The following CRTC2 variants were observed in gnomAD, a reference collection of about 807,000 sequenced individuals.
CRTC2 encodes the protein CREB-regulated transcription coactivator 2.
CRTC2 carries 25 observed loss-of-function variants against 70.9 expected under a neutral mutation model. The ratio of observed to expected loss-of-function variants is 0.35; its 90% CI spans 0.26 to 0.49. The LOEUF (loss-of-function observed/expected upper bound fraction) is 0.49, where lower values mean the gene tolerates loss of function less well. CRTC2 is among the 20% of genes least tolerant of loss of function. The pLI, the probability that CRTC2 is intolerant of heterozygous loss-of-function variation, is 0.98. For synonymous variants in CRTC2, 330 were observed against 364.1 expected, an observed-to-expected ratio of 0.91 and a Z score of 1.07; for missense variants, 737 against 882.6, an observed-to-expected ratio of 0.83 and a Z score of 2.09.
At chr1:153,958,072 G>A (rs1444402663) in intron 1 of CRTC2, 2 of 1,344,758 alleles carry the variant, frequency 1.5e-6, no homozygotes, top group African/African-American at 3.0e-5. Context: ...TCCTACCTCC[G>A]CCGGACTTCA....
chr1:153,951,808 C>A, intron 10 of CRTC2, 142 bp from the exon 11 acceptor site: 5 of 1,053,172 alleles, frequency 4.7e-6, no homozygotes, highest in Non-Finnish European at 4.1e-6. Flanking sequence ...CAGCACTGCC[C>A]ATCTGGGGAC....
intron 10 of CRTC2, 78 bp from the exon 11 acceptor site, chr1:153,951,744 C>T (rs776553271): frequency 2.7e-6 from 4 of 1,460,290 alleles, no homozygotes; most frequent in Non-Finnish European, 3.8e-6. Flanking sequence ...GAATGGGTGG[C>T]AGTGACCAGA....
chr1:153,955,327 G>A (rs1387723532), intron 1 of CRTC2, among the ~76,000 whole-genome samples, 161 bp from the exon 2 acceptor site: 1 of 152,050 alleles, frequency 6.6e-6, no homozygotes, highest in Non-Finnish European at 1.5e-5. Flanking sequence ...CAGCACTTTG[G>A]GAGGCCGAGG....
rs1680761336 is a variant in CRTC2 at position 153,958,463 on chromosome 1, G to C, written c.35C>G (p.Ala12Gly). Residue 12 changes from alanine to glycine, a missense_variant, in exon 1 of 14, where the codon GCC becomes GGC. Physicochemically the swap from Ala to Gly is moderately conservative, Grantham distance 60. Coordinates refer to ENST00000368633, the MANE Select transcript of CRTC2 (RefSeq NM_181715.3). ...GCGCGGATTGGAAGCCGAGGCCGTG[G>C]CCGAACCAGGCCCGTTCGCCCCCGA... ...ATSGANGPGS[A>G]TASASNPRKF... The C allele has an allele frequency of 1.2e-6, 2 of 1,612,318 alleles. No homozygotes were observed. Among genetic ancestry groups the C allele is most frequent in the Non-Finnish European group, 1.7e-6 (2 of 1,179,010 alleles).
chr1:153,948,992 A>C, intron 12 of CRTC2, 123 bp downstream of exon 12: 5 of 1,072,256 alleles, frequency 4.7e-6, no homozygotes, highest in Non-Finnish European at 7.0e-6. Flanking sequence ...GGGAGAGGAG[A>C]TCTCCCCACC....
chr1:153,949,937 TTC>T (rs1008716676), intron 11 of CRTC2, among the ~76,000 whole-genome samples: 14 of 152,138 alleles, frequency 9.2e-5, no homozygotes, highest in Admixed American at 9.2e-4. Context: ...AAGTAAACTA[TTC>T]TCTTTTTTTG....
chr1:153,957,337 C>T (rs1451739690), intron 1 of CRTC2, among the ~76,000 whole-genome samples: 1 of 152,184 alleles, frequency 6.6e-6, no homozygotes, highest in Non-Finnish European at 1.5e-5. Context: ...TAATGTTCCA[C>T]CATCAATCCT....
chr1:153,951,479 C>G lies in CRTC2; in HGVS notation c.1185G>C (p.Pro395=). 6.3e-7 allele frequency: 1 copy of G among 1,599,568 alleles called. No individual in the cohort carries two copies. The highest frequency in any genetic ancestry group is 8.5e-7 in the Non-Finnish European group (1 of 1,172,920). The stretch of plus-strand genomic sequence containing the variant: ...AGGAGGAAGAGGAGGAGGAGAGAGC[C>G]GGAGCACTGAGTGAGGGGTGGCCCA... The part of the protein sequence containing the change: ...TSLGHPSLSA[P]ALSSSSSSSS... Residue 395 remains proline (P), a synonymous_variant, in exon 11 of 14, where the codon CCG becomes CCC. Coordinates refer to ENST00000368633, the MANE Select transcript of CRTC2 (RefSeq NM_181715.3).
In CRTC2 at chr1:153,958,541, C is replaced by T; in HGVS notation, c.-44G>A. ...CCTGCCACCCTCCCAGTACCAGCCG[C>T]GGCCTCCGCCGCGGCCTCGGCCCGG... On this transcript the variant is annotated 5_prime_UTR_variant, in exon 1 of 14. Transcript: ENST00000368633. 3 of 1,529,386 alleles carry T rather than the reference C, an allele frequency of 2.0e-6. No homozygotes were observed. Among genetic ancestry groups the T allele is most frequent in the South Asian group, 1.2e-5 (1 of 82,940 alleles). 94.7% of individuals were successfully genotyped at this position (1,529,386 alleles called of 1,614,324 possible). A position where few individuals can be genotyped will look rare whatever the true frequency, so the allele number is the denominator to read the frequency against.
chr1:153,953,257 G>A lies in CRTC2; in HGVS notation c.607+9C>T, dbSNP rs146406727. On this transcript the variant is annotated intron_variant, in intron 6 of 13. Coordinates refer to ENST00000368633, the MANE Select transcript of CRTC2 (RefSeq NM_181715.3). ...TGGTTACTCCCAACCCTGGGACAGG[G>A]CCACTTACCCCCACGTCGGCTGGGC... is the stretch of plus-strand genomic sequence containing the variant. 9.6e-5 allele frequency: 146 copies of A among 1,521,458 alleles called. No homozygotes were observed. The East Asian group carries it at 3.4e-3, about 36-fold the overall frequency. 94.2% of individuals were successfully genotyped at this position (1,521,458 alleles called of 1,614,324 possible). A position where few individuals can be genotyped will look rare whatever the true frequency, so the allele number is the denominator to read the frequency against.
chr1:153,952,729 T>C (rs1680422693), intron 7 of CRTC2, 76 bp downstream of exon 7: 1 of 1,606,984 alleles, frequency 6.2e-7, no homozygotes, highest in Non-Finnish European at 8.5e-7. Context: ...TCCTGCTCCC[T>C]GAACCTGCAC....
intron 4 of CRTC2, 135 bp from the exon 5 acceptor site, chr1:153,953,741 T>C (rs1680478871): frequency 1.6e-6 from 1 of 609,382 alleles, no homozygotes; most frequent in African/African-American, 1.9e-5. Flanking sequence ...CTTTTCTTTC[T>C]GGTTCTTCTC....
chr1:153,948,733 C>T, intron 12 of CRTC2, 89 bp from the exon 13 acceptor site: 1 of 1,396,972 alleles, frequency 7.2e-7, no homozygotes, highest in Non-Finnish European at 1.0e-6. Context: ...TGCCCAGCAA[C>T]CTTCATCCAC....
rs375407184 is a variant in CRTC2 at position 153,953,382 on chromosome 1, C to T, written c.504-13G>A. 1.5e-4 allele frequency: 240 copies of T among 1,581,450 alleles called. 2 individuals carry two copies. The highest frequency in any genetic ancestry group is 2.9e-5 in the Non-Finnish European group (34 of 1,155,172). ...GTCAGAGCTTGTCCTATGGGGGGAG[C>T]AGGAATGAGCTGACACCAGTGACAG... On this transcript the variant is annotated splice_polypyrimidine_tract_variant and intron_variant, in intron 5 of 13. Transcript: ENST00000368633.
In CRTC2 at chr1:153,955,175, T is replaced by G. The variant is rs202143802; in HGVS notation, c.154-9A>C. On this transcript the variant is annotated splice_polypyrimidine_tract_variant and intron_variant, in intron 1 of 13. Transcript: ENST00000368633. ...AGTTTTTGGGCCTGTAACTGAGACA[T>G]GGGGAACAAGTGGGAATGTCAGGAG... 15 of 1,605,654 alleles carry G rather than the reference T, an allele frequency of 9.3e-6. No homozygotes were observed. The highest frequency in any genetic ancestry group is 1.3e-5 in the Non-Finnish European group (15 of 1,172,688).
Position 153,949,335 on chromosome 1 carries a change from G to A in CRTC2, c.1454C>T (p.Pro485Leu), listed in dbSNP as rs536940556. Reference sequence around the variant, plus strand: ...CAGACTTGGGGAGCTGTATGGGTATGGGGGTAACCGCTGGTCAGTGGACAG... The same window carrying A: ...CAGACTTGGGGAGCTGTATGGGTATAGGGGTAACCGCTGGTCAGTGGACAG... Reference protein sequence around the residue: ...SKLSTDQRLPPYPYSSPSLVL... With the variant: ...SKLSTDQRLPLYPYSSPSLVL... Residue 485 changes from proline (P) to leucine (L), a missense_variant, in exon 12 of 14, where the codon CCA (proline) becomes CTA (leucine). Around this residue, in one of 3 missense-constraint regions of CRTC2, gnomAD observed 699 missense variants for 823.7 expected, o/e 0.85. Transcript: ENST00000368633. The A allele has an allele frequency of 7.4e-6, 12 of 1,613,884 alleles. No homozygotes were observed. The highest frequency in any genetic ancestry group is 5.0e-5 in the Admixed American group (3 of 60,016).
At position 153,951,759 on chromosome 1, in the gene CRTC2, G is replaced by A. The variant is rs138237985; in HGVS notation, c.998-93C>T. On this transcript the variant is annotated intron_variant, in intron 10 of 13. Transcript: ENST00000368633. ...GAATGGGTGGCAGTGACCAGACTAT[G>A]AAAGCGGCAACACAACGTCCTCCCT... The A allele has an allele frequency of 1.2e-4, 169 of 1,388,272 alleles. 1 individual carries two copies. The African/African-American group carries it at 2.0e-3, about 17-fold the overall frequency. The allele number at this position is 1,388,272 out of a possible 1,614,324, so 86.0% of individuals were successfully genotyped here.
At chr1:153,958,234 C>G (rs1049843619) in intron 1 of CRTC2, 111 bp downstream of exon 1, 24 of 1,483,236 alleles carry the variant, frequency 1.6e-5, no homozygotes, top group Non-Finnish European at 2.1e-5. Flanking sequence ...GCGCCCGCGT[C>G]CCCTGCTCTG....
intron 4 of CRTC2, 151 bp downstream of exon 4, chr1:153,954,104 A>G: frequency 1.5e-6 from 1 of 664,136 alleles, no homozygotes; most frequent in South Asian, 1.7e-5. Flanking sequence ...ACCTACTCCA[A>G]CTGTCTCCAC....
Sources: gnomAD v4.1 joint callset for allele counts (sites outside exome capture counted in the v4.1 genomes callset) on GRCh38, gnomAD v4.1.1 for gene constraint, gnomAD v4.1.1 regional missense constraint, MANE v1.5 for transcripts, NCBI Gene and HGNC (gene_info 2026-07-23, HGNC 2026-07-21) for gene names.